The following TEX9 variants were observed in gnomAD, a reference collection of about 807,000 sequenced individuals.
The protein encoded by TEX9 is testis-expressed protein 9.
Under a neutral mutation model 59.6 loss-of-function variants are expected in TEX9, and 74 were observed. That is an observed-to-expected ratio of 1.24 (90% CI 1.03 to 1.51). The LOEUF (loss-of-function observed/expected upper bound fraction) is 1.51. Among genes scored for constraint, TEX9 ranks in the 40% most tolerant of loss-of-function variants. The probability of loss-of-function intolerance (pLI) is 0.00; values close to 1 mark genes in which losing one functional copy is unlikely to be tolerated. For missense variants in TEX9, 522 were observed against 447.8 expected (o/e 1.17, Z -1.49); for synonymous variants, 186 against 152.2 (o/e 1.22, Z -1.64).
chr15:56,454,590 C>A, the TEX9 span, among the ~76,000 whole-genome samples: 18 of 151,928 alleles, frequency 1.2e-4, no homozygotes, highest in Admixed American at 3.9e-4. Context: ...TTATGATTTT[C>A]TATTACTGTT....
intron 9 of TEX9, among the ~76,000 whole-genome samples, chr15:56,402,933 A>C (rs2048870939): frequency 6.6e-6 from 1 of 152,260 alleles, no homozygotes; most frequent in South Asian, 2.1e-4. Flanking sequence ...AAAATTCAAC[A>C]GCCTTACATG....
chr15:56,350,473 A>AAAG (rs1478305187), intron 1 of TEX9, among the ~76,000 whole-genome samples: 1 of 152,194 alleles, frequency 6.6e-6, no homozygotes, highest in Admixed American at 6.5e-5. Context: ...AGTAGGCACT[A>AAAG]GTGGTAAGGG....
chr15:56,261,610 G>A (rs559348983), intron 1 of TEX9, among the ~76,000 whole-genome samples: 7 of 152,166 alleles, frequency 4.6e-5, no homozygotes, highest in African/African-American at 1.4e-4. Context: ...CCCGCTATTC[G>A]GGAAGCTGAG....
chr15:56,345,688 C>A (rs1407155200), intron 1 of TEX9, among the ~76,000 whole-genome samples: 2 of 152,076 alleles, frequency 1.3e-5, no homozygotes, highest in Non-Finnish European at 2.9e-5. Flanking sequence ...GGAAGGAAAA[C>A]CTGGACAAAG....
chr15:56,402,511 A>T (rs140995925), intron 9 of TEX9, among the ~76,000 whole-genome samples: 2,941 of 152,278 alleles, frequency 0.019, 68 homozygotes, highest in Admixed American at 0.066. Context: ...TACCAACCAA[A>T]AAGAATCCAG....
chr15:56,269,435 T>C (rs533711079), intron 1 of TEX9, among the ~76,000 whole-genome samples: 142 of 152,284 alleles, frequency 9.3e-4, no homozygotes, highest in African/African-American at 3.4e-3. Context: ...TTTAGATCTT[T>C]CCTGCTTTCT....
upstream of TEX9, among the ~76,000 whole-genome samples, chr15:56,361,384 G>C (rs543528371): frequency 6.6e-6 from 1 of 152,164 alleles, no homozygotes; most frequent in East Asian, 1.9e-4. Context: ...CACAGGTTTT[G>C]ATAAGTTATA....
intron 10 of TEX9, among the ~76,000 whole-genome samples, chr15:56,425,137 A>T (rs1257286512): frequency 2.6e-5 from 4 of 152,090 alleles, no homozygotes; most frequent in African/African-American, 9.7e-5. Flanking sequence ...CTTGCATGTG[A>T]TGAGCCATTT....
intron 12 of TEX9, among the ~76,000 whole-genome samples, chr15:56,440,305 T>C (rs948206108): frequency 6.6e-6 from 1 of 152,168 alleles, no homozygotes; most frequent in Non-Finnish European, 1.5e-5. Context: ...AAAAATAAAC[T>C]GTGTTAACAC....
At chr15:56,318,796 T>C (rs1391734024) in intron 1 of TEX9, among the ~76,000 whole-genome samples, 1 of 152,140 alleles carries the variant, frequency 6.6e-6, no homozygotes, top group Non-Finnish European at 1.5e-5. Flanking sequence ...AAAAATTTGC[T>C]CCGATATAGC....
intron 12 of TEX9, among the ~76,000 whole-genome samples, chr15:56,444,102 A>G (rs1222208843): frequency 1.3e-5 from 2 of 152,064 alleles, no homozygotes; most frequent in African/African-American, 4.8e-5. Context: ...AAAGGCTACA[A>G]TCTGTTAACA....
At chr15:56,276,129 T>C (rs1310900538) in intron 1 of TEX9, among the ~76,000 whole-genome samples, 1 of 152,152 alleles carries the variant, frequency 6.6e-6, no homozygotes, top group East Asian at 1.9e-4. Context: ...TTTGTATTTT[T>C]CTTGGACTTC....
chr15:56,298,857 T>C (rs192141067), intron 1 of TEX9, among the ~76,000 whole-genome samples: 380 of 152,344 alleles, frequency 2.5e-3, no homozygotes, highest in Non-Finnish European at 4.1e-3. Flanking sequence ...TCTCAATATA[T>C]TTTAGTTCTG....
At chr15:56,345,487 C>G (rs1444080591) in intron 1 of TEX9, among the ~76,000 whole-genome samples, 1 of 152,084 alleles carries the variant, frequency 6.6e-6, no homozygotes, top group Non-Finnish European at 1.5e-5. Flanking sequence ...TGGGGTCTTG[C>G]TATGTTGCCC....
intron 9 of TEX9, among the ~76,000 whole-genome samples, chr15:56,411,532 G>A (rs57947969): frequency 0.3 from 45,359 of 151,798 alleles, 7,684 homozygotes; most frequent in Middle Eastern, 0.47. Context: ...GAAAATGAGT[G>A]GGCAGAGATC....
intron 1 of TEX9, among the ~76,000 whole-genome samples, chr15:56,321,858 T>TA (rs1485367782): frequency 2.0e-5 from 3 of 151,970 alleles, no homozygotes; most frequent in Non-Finnish European, 4.4e-5. Flanking sequence ...AGAGTAAAAA[T>TA]ACTAGGGTCT....
intron 1 of TEX9, among the ~76,000 whole-genome samples, chr15:56,280,742 A>G (rs2044796159): frequency 6.6e-6 from 1 of 152,242 alleles, no homozygotes; most frequent in African/African-American, 2.4e-5. Flanking sequence ...GCTGGGAATG[A>G]TTCCCACATC....
rs1206693139 is a variant in TEX9, at chr15:56,420,309, CT to C, written c.964-7286del. Among the ~76,000 whole-genome samples, 270 of 147,362 alleles carry C rather than the reference CT, an allele frequency of 1.8e-3. 5 individuals carry two copies. The highest frequency in any genetic ancestry group is 5.2e-3 in the African/African-American group (209 of 40,018). ...TCAATTTGTTCTTTTTCTCTTTTCTCTTTTTTTTTTCTCCCCTAGACAGAGT... is the reference window on the plus strand; with the variant it reads ...TCAATTTGTTCTTTTTCTCTTTTCTCTTTTTTTTTCTCCCCTAGACAGAGT... On this transcript the variant is annotated intron_variant, in intron 10 of 12. Transcript: ENST00000352903.
rs116525689 is a variant in TEX9, at chr15:56,254,064, G to C, written c.-107+9786G>C. 4.5e-3 allele frequency among the ~76,000 whole-genome samples: 691 copies of C among 152,232 alleles called. 6 individuals carry two copies. Among genetic ancestry groups the C allele is most frequent in the African/African-American group, 0.016 (665 of 41,564 alleles). ...AATTCAAAAATCCTGTGTATGAAGA[G>C]TAAATCAAGATGCCAGCCTGCAGGA... On this transcript the variant is annotated intron_variant, in intron 1 of 5. Transcript: ENST00000560827.
Sources: gnomAD v4.1 joint callset for allele counts (sites outside exome capture counted in the v4.1 genomes callset) on GRCh38, gnomAD v4.1.1 for gene constraint, MANE v1.5 for transcripts, NCBI Gene and HGNC (gene_info 2026-07-23, HGNC 2026-07-21) for gene names.